Variants in DNAJC6 observed in about 807,000 individuals in gnomAD.
DNAJC6 encodes DnaJ heat shock protein family (Hsp40) member C6, also known as auxilin.
A neutral mutation model predicts 110.0 loss-of-function variants in DNAJC6; 34 were observed. The ratio of observed to expected loss-of-function variants is 0.31; its 90% CI spans 0.24 to 0.41. DNAJC6 has a LOEUF of 0.41. DNAJC6 is among the 10% of genes least tolerant of loss of function. DNAJC6 has a pLI of 1.00. For synonymous variants in DNAJC6, 406 were observed against 437.2 expected (o/e 0.93, Z 0.89); for missense variants, 1,031 against 1,207.8 (o/e 0.85, Z 2.17).
intron 1 of DNAJC6, among the ~76,000 whole-genome samples, chr1:65,293,980 T>C (rs1308427576): frequency 6.6e-6 from 1 of 152,246 alleles, no homozygotes; most frequent in Non-Finnish European, 1.5e-5. Context: ...TGCTAAGCAC[T>C]TTCACTCAGT....
Position 65,394,943 on chromosome 1 carries a change from A to T in DNAJC6, c.1949A>T (p.Gln650Leu). 1 of 1,611,482 alleles carries T rather than the reference A, an allele frequency of 6.2e-7. No individual in the cohort carries two copies. The highest frequency in any genetic ancestry group is 8.5e-7 in the Non-Finnish European group (1 of 1,179,190). Residue 650 changes from glutamine to leucine, a missense_variant, in exon 13 of 19, where the codon CAG becomes CTG. Coordinates refer to ENST00000371069, the MANE Select transcript of DNAJC6 (RefSeq NM_001256864.2). ...PFGAPSKPSG[Q>L]DLLGSFLNTS... ...GGAGCACCTTCTAAACCATCAGGTC[A>T]GGATTTGCTGGGTTCTTTTCTGAAC...
chr1:65,272,638 G>A (rs1161547155), intron 1 of DNAJC6, among the ~76,000 whole-genome samples: 2 of 152,162 alleles, frequency 1.3e-5, no homozygotes, highest in Non-Finnish European at 2.9e-5. Flanking sequence ...ATTCACTGGT[G>A]AAGCCATTTG....
At chr1:65,285,785 G>T (rs574076126) in intron 1 of DNAJC6, among the ~76,000 whole-genome samples, 1 of 152,164 alleles carries the variant, frequency 6.6e-6, no homozygotes, top group East Asian at 1.9e-4. Flanking sequence ...TGATTCTCGT[G>T]CCTCAGCCTC....
chr1:65,345,662 T>A (rs1290490456), intron 1 of DNAJC6: 1 of 931,204 alleles, frequency 1.1e-6, no homozygotes, highest in Non-Finnish European at 1.2e-6. Flanking sequence ...ACGTGGAGAG[T>A]CAATTTTTGA....
intron 1 of DNAJC6, among the ~76,000 whole-genome samples, chr1:65,325,039 T>A (rs191304051): frequency 2.8e-3 from 433 of 152,302 alleles, no homozygotes; most frequent in Non-Finnish European, 4.4e-3. Flanking sequence ...AATTGAACTA[T>A]ACCCTACAGG....
intron 8 of DNAJC6, 33 bp downstream of exon 8, chr1:65,386,962 C>A: frequency 6.5e-7 from 1 of 1,531,214 alleles, no homozygotes. Flanking sequence ...GGCATAAGTT[C>A]ATCTGAGTCT....
At chr1:65,381,098 T>C (rs1411553010) in intron 5 of DNAJC6, among the ~76,000 whole-genome samples, 2 of 151,528 alleles carry the variant, frequency 1.3e-5, no homozygotes, top group Non-Finnish European at 2.9e-5. Flanking sequence ...TTTGTATTTT[T>C]AGTAGAGACG....
chr1:65,278,766 A>G (rs1211699321), intron 1 of DNAJC6, among the ~76,000 whole-genome samples: 1 of 152,160 alleles, frequency 6.6e-6, no homozygotes, highest in Non-Finnish European at 1.5e-5. Flanking sequence ...AGGAAAAATT[A>G]CCTGGGGACT....
chr1:65,326,707 C>T (rs1400238264), intron 1 of DNAJC6, among the ~76,000 whole-genome samples: 4 of 152,118 alleles, frequency 2.6e-5, no homozygotes, highest in African/African-American at 9.7e-5. Context: ...TTTGCTCTGC[C>T]CTTCACTCTC....
chr1:65,318,494 G>A (rs1388866402), intron 1 of DNAJC6, among the ~76,000 whole-genome samples: 1 of 152,204 alleles, frequency 6.6e-6, no homozygotes, highest in African/African-American at 2.4e-5. Context: ...ATGTACCTGA[G>A]TAAACACAGA....
At chr1:65,388,438 G>A in intron 9 of DNAJC6, 23 bp downstream of exon 9, 1 of 1,607,134 alleles carries the variant, frequency 6.2e-7, no homozygotes, top group Non-Finnish European at 8.5e-7. Flanking sequence ...TGGGCCAAAA[G>A]TCTATTTGAA....
rs1421255036 is a variant in DNAJC6, at chr1:65,385,742, A to G, written c.831A>G (p.Ala277=). The part of the protein sequence containing the change: ...RYLGYMCDLL[A]DKPYRPHFKP... Reference sequence around the variant, plus strand: ...TGGGCTATATGTGTGACCTACTGGCAGACAAGCCCTACCGCCCTCACTTCA... The same window carrying G: ...TGGGCTATATGTGTGACCTACTGGCGGACAAGCCCTACCGCCCTCACTTCA... The change falls in exon 7 of 19, where the codon GCA becomes GCG. Residue 277 remains alanine, a synonymous_variant. Coordinates refer to ENST00000371069, the MANE Select transcript of DNAJC6 (RefSeq NM_001256864.2). 6.2e-7 allele frequency: 1 copy of G among 1,612,434 alleles called. No individual in the cohort carries two copies. Among genetic ancestry groups the G allele is most frequent in the Admixed American group, 1.7e-5 (1 of 59,944 alleles).
chr1:65,381,353 G>T (rs1250520076), intron 5 of DNAJC6, among the ~76,000 whole-genome samples: 1 of 151,824 alleles, frequency 6.6e-6, no homozygotes. Flanking sequence ...TTTGAGACCA[G>T]CCTGGCCAAC....
At chr1:65,397,989 A>G (rs1367153563) in intron 13 of DNAJC6, among the ~76,000 whole-genome samples, 1 of 152,052 alleles carries the variant, frequency 6.6e-6, no homozygotes, top group East Asian at 1.9e-4. Flanking sequence ...CATTTTAATA[A>G]TTGATTTGTG....
At chr1:65,320,026 G>A (rs1386319745) in intron 1 of DNAJC6, among the ~76,000 whole-genome samples, 1 of 152,176 alleles carries the variant, frequency 6.6e-6, no homozygotes, top group East Asian at 1.9e-4. Context: ...GTACGCATGT[G>A]ACTTAGTTCT....
intron 1 of DNAJC6, among the ~76,000 whole-genome samples, chr1:65,345,387 T>C (rs1645427851): frequency 1.3e-5 from 2 of 152,142 alleles, no homozygotes; most frequent in African/African-American, 4.8e-5. Context: ...CATTATCTCA[T>C]TTAATCATCG....
chr1:65,366,249 C>G, intron 4 of DNAJC6, 53 bp downstream of exon 4: 2 of 1,594,900 alleles, frequency 1.3e-6, no homozygotes, highest in Non-Finnish European at 1.7e-6. Flanking sequence ...TGGTGCTTTT[C>G]CTCCTCAGAG....
At chr1:65,282,773 A>G (rs1318026918) in intron 1 of DNAJC6, among the ~76,000 whole-genome samples, 1 of 152,200 alleles carries the variant, frequency 6.6e-6, no homozygotes, top group East Asian at 1.9e-4. Context: ...TCATGCATGA[A>G]CTGTGTTCTC....
chr1:65,386,709 C>T (rs748139224), intron 7 of DNAJC6, 103 bp from the exon 8 acceptor site: 209 of 1,009,354 alleles, frequency 2.1e-4, no homozygotes, highest in Non-Finnish European at 2.7e-4. Flanking sequence ...CGGGCCTGGG[C>T]GAACAGTCCT....
Sources: allele counts gnomAD v4.1 joint callset (sites outside exome capture counted in the v4.1 genomes callset), GRCh38; gene constraint gnomAD v4.1.1; transcripts MANE v1.5; gene names NCBI Gene and HGNC (gene_info 2026-07-23, HGNC 2026-07-21).